Variants in CCDC91 observed in about 807,000 individuals in gnomAD.
CCDC91 encodes the protein coiled-coil domain containing 91, also known as coiled-coil domain-containing protein 91.
In CCDC91, 48 loss-of-function variants were observed where a neutral mutation model predicts 63.2. That is an observed-to-expected ratio of 0.76 (90% CI 0.60 to 0.97). The LOEUF is 0.97. Ranked by LOEUF, CCDC91 falls within the 50% of genes least tolerant of loss-of-function variation. The pLI is 0.00. For missense variants in CCDC91, 500 were observed against 494.6 expected, an observed-to-expected ratio of 1.01 and a Z score of -0.10; for synonymous variants, 167 against 165.8, an observed-to-expected ratio of 1.01 and a Z score of -0.06.
chr12:28,192,998 A>T lies in CCDC91; in HGVS notation c.-15+2357A>T, dbSNP rs1472235934. Reference sequence around the variant, plus strand: ...GTATGTTATGTAAATGGAATCATACAGTATGTAGCCTTATGTTTCAGGTTT... The same window carrying T: ...GTATGTTATGTAAATGGAATCATACTGTATGTAGCCTTATGTTTCAGGTTT... On this transcript the variant is annotated intron_variant, in intron 1 of 12. Transcript: ENST00000536442. 3.3e-5 allele frequency among the ~76,000 whole-genome samples: 5 copies of T among 152,298 alleles called. No homozygotes were observed. The East Asian group carries it at 7.7e-4, about 24-fold the overall frequency.
At chr12:28,387,928 G>T (rs1219387267) in intron 7 of CCDC91, among the ~76,000 whole-genome samples, 1 of 152,096 alleles carries the variant, frequency 6.6e-6, no homozygotes, top group Non-Finnish European at 1.5e-5. Context: ...GGATCAGATG[G>T]TATTTCCACT....
chr12:28,519,331 A>G (rs1478843523), intron 12 of CCDC91, among the ~76,000 whole-genome samples: 2 of 136,622 alleles, frequency 1.5e-5, no homozygotes, highest in Non-Finnish European at 1.7e-5. Context: ...TGCAGCTATT[A>G]TAAAAGGGGT....
intron 12 of CCDC91, among the ~76,000 whole-genome samples, chr12:28,543,900 A>G (rs541172353): frequency 5.3e-5 from 8 of 151,936 alleles, no homozygotes; most frequent in South Asian, 2.1e-4. Flanking sequence ...TCCATCAGCA[A>G]CTCAAGTTGG....
intron 1 of CCDC91, among the ~76,000 whole-genome samples, chr12:28,225,457 C>CA (rs1565635599): frequency 6.7e-6 from 1 of 148,508 alleles, no homozygotes. Flanking sequence ...CCACTACCCC[C>CA]TTTTTTTTTT....
At chr12:28,336,058 CT>C (rs397686785) in intron 6 of CCDC91, among the ~76,000 whole-genome samples, 34 of 148,192 alleles carry the variant, frequency 2.3e-4, no homozygotes, top group South Asian at 4.2e-4. Context: ...ATTTGAACTA[CT>C]TTTTTTTTTT....
At chr12:28,460,299 C>T (rs1218051854) in intron 11 of CCDC91, among the ~76,000 whole-genome samples, 1 of 152,086 alleles carries the variant, frequency 6.6e-6, no homozygotes, top group African/African-American at 2.4e-5. Context: ...AGTTCGTTTA[C>T]GTTCTCTCAT....
chr12:28,481,888 A>G lies in CCDC91; in HGVS notation c.1102-2164A>G, dbSNP rs114074161. Among the ~76,000 whole-genome samples, 846 of 152,060 alleles carry G rather than the reference A, an allele frequency of 5.6e-3. 8 individuals carry two copies. Among genetic ancestry groups the G allele is most frequent in the African/African-American group, 0.02 (820 of 41,558 alleles). Reference sequence around the variant, plus strand: ...ATAATATAAACACTCAGCTCCCTCAAAAGTGTTAACTGAATAACTTTCACT... The same window carrying G: ...ATAATATAAACACTCAGCTCCCTCAGAAGTGTTAACTGAATAACTTTCACT... On this transcript the variant is annotated intron_variant, in intron 11 of 12. Transcript: ENST00000536442.
chr12:28,544,538 A>G (rs1333185656), intron 12 of CCDC91, among the ~76,000 whole-genome samples: 1 of 152,068 alleles, frequency 6.6e-6, no homozygotes, highest in Non-Finnish European at 1.5e-5. Flanking sequence ...TAACATGTTC[A>G]CATTTCTTAG....
At chr12:28,461,872 G>C (rs762662859) in intron 11 of CCDC91, among the ~76,000 whole-genome samples, 4 of 151,974 alleles carry the variant, frequency 2.6e-5, no homozygotes, top group Non-Finnish European at 5.9e-5. Flanking sequence ...GGCCACCGTT[G>C]TTGCTTACTA....
intron 8 of CCDC91, among the ~76,000 whole-genome samples, chr12:28,397,867 G>A (rs1189190084): frequency 6.6e-6 from 1 of 151,932 alleles, no homozygotes; most frequent in African/African-American, 2.4e-5. Flanking sequence ...AGAAAACCAA[G>A]CCTGGCTTTT....
chr12:28,397,809 A>G (rs906994942), intron 8 of CCDC91, among the ~76,000 whole-genome samples: 13 of 152,184 alleles, frequency 8.5e-5, no homozygotes, highest in African/African-American at 2.9e-4. Flanking sequence ...CACATAAGAT[A>G]GAGACACTAT....
intron 12 of CCDC91, among the ~76,000 whole-genome samples, chr12:28,498,411 C>T (rs537923148): frequency 1.7e-4 from 26 of 151,640 alleles, no homozygotes; most frequent in Non-Finnish European, 3.4e-4. Flanking sequence ...AACAGGTAAA[C>T]ATTGCAAGCT....
At chr12:28,298,790 A>G (rs1460188227) in intron 3 of CCDC91, among the ~76,000 whole-genome samples, 1 of 150,938 alleles carries the variant, frequency 6.6e-6, no homozygotes, top group African/African-American at 2.4e-5. Context: ...ATATATATAT[A>G]TATAAGAGCT....
intron 1 of CCDC91, among the ~76,000 whole-genome samples, chr12:28,239,499 A>G (rs529199991): frequency 2.0e-5 from 3 of 152,304 alleles, no homozygotes; most frequent in Non-Finnish European, 2.9e-5. Context: ...TAATCATTCT[A>G]TATCTGGGAG....
rs185736497 is a variant in CCDC91 at position 28,442,496 on chromosome 12, A to G, written c.763-7665A>G. On this transcript the variant is annotated intron_variant, in intron 8 of 12. Transcript: ENST00000536442. The stretch of plus-strand genomic sequence containing the variant: ...TGAAAAGGCCAATTTGCCGCTGTGA[A>G]TGGCACATACTGTGTAATAAAACTG... Among the ~76,000 whole-genome samples, 537 of 152,278 alleles carry G rather than the reference A, an allele frequency of 3.5e-3. 2 individuals are homozygous for G. The highest frequency in any genetic ancestry group is 5.9e-3 in the Non-Finnish European group (399 of 67,962).
At position 28,392,814 on chromosome 12, in the gene CCDC91, T is replaced by C. The variant is rs116074640; in HGVS notation, c.762+1403T>C. On this transcript the variant is annotated intron_variant, in intron 8 of 12. Transcript: ENST00000536442. ...AAAATAGGAGGGGAATAGTGTGCTG[T>C]ATTCTCTCCATTATCAGGTCCAGAT... 3.0e-3 allele frequency among the ~76,000 whole-genome samples: 452 copies of C among 152,352 alleles called. 5 individuals are homozygous for C. The highest frequency in any genetic ancestry group is 0.011 in the African/African-American group (438 of 41,586).
At position 28,435,061 on chromosome 12, in the gene CCDC91, T is replaced by C. The variant is rs1435924013; in HGVS notation, c.763-15100T>C. The stretch of plus-strand genomic sequence containing the variant: ...CTGGCTAGAGACTTACTGATTTTTA[T>C]TGATCAAATAAAAACCAAATAACCA... On this transcript the variant is annotated intron_variant, in intron 8 of 12. Coordinates refer to ENST00000536442, the MANE Select transcript of CCDC91 (RefSeq NM_018318.5). 4.0e-5 allele frequency among the ~76,000 whole-genome samples: 6 copies of C among 151,734 alleles called. No homozygotes were observed. The East Asian group carries it at 1.2e-3, about 29-fold the overall frequency.
chr12:28,266,085 A>G (rs909456579), intron 3 of CCDC91, among the ~76,000 whole-genome samples: 1 of 151,994 alleles, frequency 6.6e-6, no homozygotes, highest in Non-Finnish European at 1.5e-5. Context: ...TTTAAAAATG[A>G]CGCCTAAAAT....
chr12:28,236,811 T>G (rs530816313), intron 1 of CCDC91: 4 of 152,258 alleles, frequency 2.6e-5, no homozygotes, highest in Admixed American at 6.5e-5. Flanking sequence ...TGATGTATAA[T>G]AAAGGTATAT....
Sources: gnomAD v4.1 joint callset for allele counts (sites outside exome capture counted in the v4.1 genomes callset) on GRCh38, gnomAD v4.1.1 for gene constraint, MANE v1.5 for transcripts, NCBI Gene and HGNC (gene_info 2026-07-23, HGNC 2026-07-21) for gene names.